The following RAD54L2 variants were observed in gnomAD, a reference collection of about 807,000 sequenced individuals.
RAD54L2 encodes RAD54 like 2, also known as helicase ARIP4.
Under a neutral mutation model 138.4 loss-of-function variants are expected in RAD54L2, and 27 were observed. That is an observed-to-expected ratio of 0.20 (90% CI 0.14 to 0.27). The LOEUF (loss-of-function observed/expected upper bound fraction) is 0.27. Among genes scored for constraint, RAD54L2 ranks in the 10% least tolerant of loss-of-function variants. RAD54L2 has a pLI of 1.00. For synonymous variants in RAD54L2, 644 were observed against 723.2 expected, an observed-to-expected ratio of 0.89 and a Z score of 1.76; for missense variants, 1,396 against 1,890.2, an observed-to-expected ratio of 0.74 and a Z score of 4.85.
intron 15 of RAD54L2, 30 bp from the exon 16 acceptor site, chr3:51,643,844 TC>T: frequency 6.6e-7 from 1 of 1,510,932 alleles, no homozygotes; most frequent in East Asian, 2.3e-5. Context: ...CTCTAATATA[TC>T]CACTGCTTAT....
rs748254048 is a variant in RAD54L2, at chr3:51,630,686, C to CT, written c.599-11dup. The CT allele has an allele frequency of 2.4e-5, 38 of 1,598,180 alleles. No individual in the cohort carries two copies. The highest frequency in any genetic ancestry group is 7.8e-5 in the South Asian group (7 of 89,808). On this transcript the variant is annotated intron_variant, in intron 6 of 22. Transcript: ENST00000684192. ...TTCACTCCCTGGATTTTTGGTTTTG[C>CT]TTTTTTTTGCTGTCTCAGAGGTGAT... is the stretch of plus-strand genomic sequence containing the variant.
Position 51,613,198 on chromosome 3 carries a change from A to G in RAD54L2, c.140-14355A>G, listed in dbSNP as rs372738198. On this transcript the variant is annotated intron_variant, in intron 3 of 22. Coordinates refer to ENST00000684192, the MANE Select transcript of RAD54L2 (RefSeq NM_015106.4). ...GTGATCCACCCGCCTCGGCCTCCCA[A>G]AATGCTGGGATTACAGACATGAGCC... 9.2e-5 allele frequency among the ~76,000 whole-genome samples: 14 copies of G among 152,130 alleles called. No individual in the cohort carries two copies. In the East Asian group the frequency reaches 9.7e-4, roughly 11 times the overall value.
intron 3 of RAD54L2, among the ~76,000 whole-genome samples, chr3:51,618,314 G>C (rs2106773830): frequency 6.6e-6 from 1 of 152,080 alleles, no homozygotes; most frequent in East Asian, 1.9e-4. Flanking sequence ...TTTTCTGTGG[G>C]TGTCTTTTGA....
intron 3 of RAD54L2, among the ~76,000 whole-genome samples, chr3:51,594,999 G>A (rs952252515): frequency 4.0e-5 from 6 of 150,908 alleles, no homozygotes; most frequent in Non-Finnish European, 5.9e-5. Context: ...TGAGTAGCTG[G>A]GACTACAGGC....
Position 51,663,395 on chromosome 3 carries a change from ATG to A in RAD54L2, c.4382_4383del (p.Val1461AspfsTer62). 1 of 1,613,456 alleles carries A rather than the reference ATG, an allele frequency of 6.2e-7. No individual in the cohort carries two copies. The highest frequency in any genetic ancestry group is 8.5e-7 in the Non-Finnish European group (1 of 1,179,652). ...AATGATGATGAGGATAAAGACGATGATGTGATAGAGGTCACTGGGAAATAGCT... is the reference window on the plus strand; with the variant it reads ...AATGATGATGAGGATAAAGACGATGATGATAGAGGTCACTGGGAAATAGCT... On this transcript the variant is annotated frameshift_variant, in exon 23 of 23. Coordinates refer to ENST00000684192, the MANE Select transcript of RAD54L2 (RefSeq NM_015106.4). LOFTEE classifies it high-confidence loss of function.
intron 3 of RAD54L2, among the ~76,000 whole-genome samples, chr3:51,608,561 C>T (rs1700257078): frequency 5.3e-5 from 8 of 152,224 alleles, no homozygotes; most frequent in Admixed American, 5.2e-4. Flanking sequence ...GAGCGAGACT[C>T]CGTCTGCAAT....
rs865888732 is a variant in RAD54L2, at chr3:51,609,854, C to T, written c.140-17699C>T. Among the ~76,000 whole-genome samples the T allele has an allele frequency of 4.2e-4, 64 of 152,154 alleles. No individual in the cohort carries two copies. The Middle Eastern group carries it at 0.01, about 24-fold the overall frequency. On this transcript the variant is annotated intron_variant, in intron 3 of 22. Transcript: ENST00000684192. ...TTCTTAAAAGGGACAGTAGTTTCCT[C>T]TCCTAGTTTCTTCTTGCTTGATGTG...
chr3:51,605,451 GTT>G (rs56187003), intron 3 of RAD54L2, among the ~76,000 whole-genome samples: 1 of 109,238 alleles, frequency 9.2e-6, no homozygotes, highest in Non-Finnish European at 1.7e-5. Context: ...GAATTTGAGG[GTT>G]TTTTTTTTTT....
intron 12 of RAD54L2, chr3:51,639,112 T>G: frequency 2.6e-6 from 1 of 381,260 alleles, no homozygotes; most frequent in Non-Finnish European, 4.8e-6. Context: ...AACTGGAACA[T>G]TCTTACTCTT....
In RAD54L2 at chr3:51,590,355, A is replaced by G. The variant is rs1027076441; in HGVS notation, c.-54-12A>G. The G allele has an allele frequency of 2.1e-6, 3 of 1,443,572 alleles. No individual in the cohort carries two copies. The African/African-American group carries it at 4.3e-5, about 21-fold the overall frequency. The allele number at this position is 1,443,572 out of a possible 1,614,324, so 89.4% of individuals were successfully genotyped here. ...ACCCTTGGTGATTCTGATGCCTTTCATCCTCTCCTAGCACCCCTGCAGTGG... is the reference window on the plus strand; with the variant it reads ...ACCCTTGGTGATTCTGATGCCTTTCGTCCTCTCCTAGCACCCCTGCAGTGG... On this transcript the variant is annotated splice_polypyrimidine_tract_variant and intron_variant, in intron 2 of 22. Coordinates refer to ENST00000684192, the MANE Select transcript of RAD54L2 (RefSeq NM_015106.4).
chr3:51,582,597 T>G (rs1026198131), intron 2 of RAD54L2, among the ~76,000 whole-genome samples: 8 of 151,858 alleles, frequency 5.3e-5, no homozygotes, highest in African/African-American at 1.9e-4. Context: ...CTTTTTTTTT[T>G]TTTTCCTGCT....
chr3:51,668,605 T>C lies in RAD54L2; in HGVS notation c.*5185T>C, dbSNP rs1031852178. 1 of 152,264 alleles carries C rather than the reference T, an allele frequency of 6.6e-6. No individual in the cohort carries two copies. The highest frequency in any genetic ancestry group is 6.5e-5 in the Admixed American group (1 of 15,290). The allele number at this position is 152,264 out of a possible 1,614,324, so 9.4% of individuals were successfully genotyped here. On this transcript the variant is annotated 3_prime_UTR_variant, in exon 23 of 23. Transcript: ENST00000684192. ...CAAACAGAACAATTGTAAGTCAGTA[T>C]AACTGCCTATCAGTTTTCTTTATTT...
intron 2 of RAD54L2, among the ~76,000 whole-genome samples, chr3:51,545,287 G>A (rs1553672031): frequency 6.6e-6 from 1 of 152,044 alleles, no homozygotes; most frequent in East Asian, 1.9e-4. Flanking sequence ...TGCCTCCCGG[G>A]TTCAAGTGAT....
chr3:51,629,452 G>A lies in RAD54L2; in HGVS notation c.460G>A (p.Val154Ile). The A allele has an allele frequency of 3.7e-6, 6 of 1,612,680 alleles. No homozygotes were observed. Among genetic ancestry groups the A allele is most frequent in the Non-Finnish European group, 5.1e-6 (6 of 1,179,444 alleles). The part of the protein sequence containing the change: ...RKDYAAPIPT[V>I]PLEFLPEEIA... ...AGATTATGCAGCCCCTATTCCTACTGTTCCGCTGGAGTTCCTCCCTGGTAA... is the reference window on the plus strand; with the variant it reads ...AGATTATGCAGCCCCTATTCCTACTATTCCGCTGGAGTTCCTCCCTGGTAA... The change falls in exon 5 of 23, where the codon GTT becomes ATT. Residue 154 changes from valine to isoleucine, a missense_variant. Physicochemically the swap from Val to Ile is conservative, Grantham distance 29. Transcript: ENST00000684192.
chr3:51,610,325 C>T (rs1020558658), intron 3 of RAD54L2, among the ~76,000 whole-genome samples: 7 of 151,942 alleles, frequency 4.6e-5, no homozygotes, highest in Non-Finnish European at 8.8e-5. Flanking sequence ...TCTTTGGGAC[C>T]GGGCATGGTG....
At chr3:51,550,245 C>T (rs1698803342) in intron 2 of RAD54L2, among the ~76,000 whole-genome samples, 1 of 152,132 alleles carries the variant, frequency 6.6e-6, no homozygotes, top group Admixed American at 6.6e-5. Context: ...AGGTGCCTTT[C>T]CCCCAGGCTC....
Position 51,662,867 on chromosome 3 carries a change from A to G in RAD54L2, c.3851A>G (p.Tyr1284Cys). ...CATCTGCCAGCCCCCGTGCAGCCGT[A>G]TGAACACGGGTATCCAGTCTCTGGC... is the stretch of plus-strand genomic sequence containing the variant. ...KGHLPAPVQP[Y>C]EHGYPVSGGF... Residue 1284 changes from tyrosine (Y) to cysteine (C), a missense_variant, in exon 23 of 23, where the codon TAT (tyrosine) becomes TGT (cysteine). Physicochemically the swap from Tyr to Cys is radical, Grantham distance 194. This residue lies in a region of RAD54L2 where 634 missense variants were observed against 711.2 expected (regional missense o/e 0.89). Transcript: ENST00000684192. The surrounding 1 kb of genome is among the most constrained non-coding windows in gnomAD (Gnocchi z 4.6). The G allele has an allele frequency of 6.2e-7, 1 of 1,613,742 alleles. No homozygotes were observed. Among genetic ancestry groups the G allele is most frequent in the Non-Finnish European group, 8.5e-7 (1 of 1,179,858 alleles).
At chr3:51,550,028 G>T (rs1553673254) in intron 2 of RAD54L2, among the ~76,000 whole-genome samples, 1 of 152,146 alleles carries the variant, frequency 6.6e-6, no homozygotes, top group Non-Finnish European at 1.5e-5. Context: ...GCTAGTTGCT[G>T]TCTCTGAATT....
intron 2 of RAD54L2, among the ~76,000 whole-genome samples, chr3:51,585,812 C>A (rs1255858341): frequency 6.6e-6 from 1 of 152,218 alleles, no homozygotes; most frequent in Non-Finnish European, 1.5e-5. Context: ...ATAGCTAGTT[C>A]TCCAGTTTCA....
Sources: allele counts gnomAD v4.1 joint callset (sites outside exome capture counted in the v4.1 genomes callset), GRCh38; gene constraint gnomAD v4.1.1; regional missense constraint gnomAD v4.1.1; non-coding constraint Gnocchi (gnomAD v3.1); transcripts MANE v1.5; gene names NCBI Gene and HGNC (gene_info 2026-07-23, HGNC 2026-07-21).